Variants in ACKR2 observed in about 807,000 individuals in gnomAD.
The protein encoded by ACKR2 is C-C chemokine receptor D6.
For synonymous variants in ACKR2, 207 were observed against 192.2 expected, an observed-to-expected ratio of 1.08 and a Z score of -0.64; for missense variants, 457 against 477.3, an observed-to-expected ratio of 0.96 and a Z score of 0.40.
intron 2 of ACKR2, among the ~76,000 whole-genome samples, chr3:42,821,677 C>G (rs1039388829): frequency 2.0e-5 from 3 of 151,924 alleles, no homozygotes; most frequent in Admixed American, 2.0e-4. Flanking sequence ...AGATTGTTCT[C>G]TCTCTTATAG....
At chr3:42,823,647 C>A (rs1700832247) in intron 2 of ACKR2, among the ~76,000 whole-genome samples, 2 of 152,150 alleles carry the variant, frequency 1.3e-5, no homozygotes, top group African/African-American at 4.8e-5. Flanking sequence ...CTTCTAAGAC[C>A]ATAAGAGGGG....
At chr3:42,845,197 C>T (rs112395783) in intron 2 of ACKR2, among the ~76,000 whole-genome samples, 2,133 of 152,300 alleles carry the variant, frequency 0.014, 19 homozygotes, top group Non-Finnish European at 0.021. Flanking sequence ...CTGCCTCTTA[C>T]CTTCTCAGCC....
In ACKR2 at chr3:42,856,336, T is replaced by G. The variant is rs944358921; in HGVS notation, c.-37-8130T>G. 8 of 700,662 alleles carry G rather than the reference T, an allele frequency of 1.1e-5. No individual in the cohort carries two copies. The Admixed American group carries it at 1.6e-4, about 14-fold the overall frequency. 43.4% of individuals were successfully genotyped at this position (700,662 alleles called of 1,614,324 possible). A position where few individuals can be genotyped will look rare whatever the true frequency, so the allele number is the denominator to read the frequency against. ...AAGGGTGGGGCAGAAGCTCACAGAG[T>G]GGGAGGACTCCAGGGCTCCCTCAGG... On this transcript the variant is annotated intron_variant, in intron 2 of 2. Coordinates refer to ENST00000422265, the MANE Select transcript of ACKR2 (RefSeq NM_001296.5).
intron 2 of ACKR2, among the ~76,000 whole-genome samples, chr3:42,820,942 C>T (rs551115108): frequency 3.6e-4 from 55 of 151,332 alleles, no homozygotes; most frequent in African/African-American, 1.2e-3. Flanking sequence ...TAAAGTGCAG[C>T]GGTGCGATCT....
chr3:42,830,760 T>C (rs150574772), intron 2 of ACKR2, among the ~76,000 whole-genome samples: 220 of 151,932 alleles, frequency 1.4e-3, no homozygotes, highest in Non-Finnish European at 2.6e-3. Context: ...TGCTGGGGTG[T>C]TGGTTGGACT....
intron 2 of ACKR2, among the ~76,000 whole-genome samples, chr3:42,854,349 A>C (rs571523557): frequency 6.6e-6 from 1 of 152,126 alleles, no homozygotes; most frequent in South Asian, 2.1e-4. Flanking sequence ...CATTTGTTTA[A>C]TGCCTCCCAG....
chr3:42,825,419 A>G (rs1159028691), intron 2 of ACKR2, among the ~76,000 whole-genome samples: 2 of 152,054 alleles, frequency 1.3e-5, no homozygotes, highest in African/African-American at 4.8e-5. Flanking sequence ...TAGGCCTTGC[A>G]CTTCATTTGT....
In ACKR2 at chr3:42,819,652, C is replaced by T. The variant is rs1292684037; in HGVS notation, c.-97C>T. The T allele has an allele frequency of 6.6e-6, 1 of 152,342 alleles. No homozygotes were observed. Among genetic ancestry groups the T allele is most frequent in the Non-Finnish European group, 1.5e-5 (1 of 68,112 alleles). The allele number at this position is 152,342 out of a possible 1,614,324, so 9.4% of individuals were successfully genotyped here. A position where few individuals can be genotyped will look rare whatever the true frequency, so the allele number is the denominator to read the frequency against. ...ACAGAGCCTGTTGGTGACCTGCACA[C>T]AGGAGCCCTCCAGTCAGTACTGATT... On this transcript the variant is annotated 5_prime_UTR_variant, in exon 2 of 3. Transcript: ENST00000422265.
At chr3:42,847,381 C>G (rs536529405) in intron 2 of ACKR2, among the ~76,000 whole-genome samples, 1 of 152,260 alleles carries the variant, frequency 6.6e-6, no homozygotes, top group Non-Finnish European at 1.5e-5. Context: ...TCATTTCCTT[C>G]CTTTTGTGCC....
At chr3:42,819,877 A>T (rs1489510860) in intron 2 of ACKR2, among the ~76,000 whole-genome samples, 166 bp downstream of exon 2, 1 of 152,150 alleles carries the variant, frequency 6.6e-6, no homozygotes, top group Non-Finnish European at 1.5e-5. Context: ...TTCCTTGAAT[A>T]TTGACTGCCT....
chr3:42,857,388 G>A (rs2088331953), intron 2 of ACKR2, among the ~76,000 whole-genome samples: 2 of 152,144 alleles, frequency 1.3e-5, no homozygotes. Flanking sequence ...GCCTAGGAAA[G>A]AAGAAAGGGG....
At chr3:42,843,321 C>T (rs115075609) in intron 2 of ACKR2, among the ~76,000 whole-genome samples, 2,762 of 152,172 alleles carry the variant, frequency 0.018, 84 homozygotes, top group African/African-American at 0.063. Context: ...TCTGCCCCCC[C>T]AGCCTCCCAA....
At chr3:42,837,366 G>A (rs1427502199) in intron 2 of ACKR2, among the ~76,000 whole-genome samples, 1 of 152,114 alleles carries the variant, frequency 6.6e-6, no homozygotes, top group African/African-American at 2.4e-5. Flanking sequence ...ACAGGTGCAT[G>A]CCACCATGCC....
Position 42,866,088 on chromosome 3 carries a change from TGCCTCA to T in ACKR2, c.*437_*442del, listed in dbSNP as rs2088433282. The T allele has an allele frequency of 6.2e-6, 1 of 161,400 alleles. No individual in the cohort carries two copies. Among genetic ancestry groups the T allele is most frequent in the South Asian group, 1.8e-4 (1 of 5,616 alleles). 10.0% of individuals were successfully genotyped at this position (161,400 alleles called of 1,614,324 possible). ...TCCCCCTGGGTTGAAGCAATTCTCA[TGCCTCA>T]GCCTCCCAAGTAGCCAGGACTATAG... On this transcript the variant is annotated 3_prime_UTR_variant, in exon 3 of 3. Coordinates refer to ENST00000422265, the MANE Select transcript of ACKR2 (RefSeq NM_001296.5).
intron 2 of ACKR2, chr3:42,856,435 A>G (rs1216894099): frequency 1.4e-6 from 1 of 701,900 alleles, no homozygotes; most frequent in Non-Finnish European, 2.6e-6. Context: ...CTTTGGGTCA[A>G]CTGAGGACCC....
In ACKR2 at chr3:42,865,716, C is replaced by A; in HGVS notation, c.*59C>A. Reference sequence around the variant, plus strand: ...GAACCAGCTCAATTGGGTGTCCACTCAAAGTGCTCTCTCCAGGGGCCTCAG... The same window carrying A: ...GAACCAGCTCAATTGGGTGTCCACTAAAAGTGCTCTCTCCAGGGGCCTCAG... On this transcript the variant is annotated 3_prime_UTR_variant, in exon 3 of 3. Coordinates refer to ENST00000422265, the MANE Select transcript of ACKR2 (RefSeq NM_001296.5). The A allele has an allele frequency of 7.2e-7, 1 of 1,387,520 alleles. No homozygotes were observed. The highest frequency in any genetic ancestry group is 9.9e-7 in the Non-Finnish European group (1 of 1,005,628). The allele number at this position is 1,387,520 out of a possible 1,614,324, so 86.0% of individuals were successfully genotyped here. A position where few individuals can be genotyped will look rare whatever the true frequency, so the allele number is the denominator to read the frequency against.
At chr3:42,820,064 T>C (rs925502896) in intron 2 of ACKR2, among the ~76,000 whole-genome samples, 17 of 152,228 alleles carry the variant, frequency 1.1e-4, no homozygotes, top group African/African-American at 3.9e-4. Flanking sequence ...ATACTGATTA[T>C]GAGACACCAT....
At chr3:42,811,725 C>T (rs976395369) in intron 1 of ACKR2, among the ~76,000 whole-genome samples, 50 of 152,124 alleles carry the variant, frequency 3.3e-4, no homozygotes, top group Non-Finnish European at 1.5e-5. Context: ...GTGTAAAACC[C>T]GATCGTAAAT....
At chr3:42,828,092 A>ATATATATTTTTTTTTT (rs1193533555) in intron 2 of ACKR2, among the ~76,000 whole-genome samples, 7 of 121,898 alleles carry the variant, frequency 5.7e-5, no homozygotes, top group African/African-American at 1.9e-4. Context: ...ATATATATAT[A>ATATATATTTTTTTTTT]TTTTTTTTTT....
Sources: allele counts gnomAD v4.1 joint callset (sites outside exome capture counted in the v4.1 genomes callset), GRCh38; gene constraint gnomAD v4.1.1; transcripts MANE v1.5; gene names NCBI Gene and HGNC (gene_info 2026-07-23, HGNC 2026-07-21).